The following MCM6 variants were observed in gnomAD, a reference collection of about 807,000 sequenced individuals.
MCM6 encodes the protein minichromosome maintenance complex component 6.
Under a neutral mutation model 94.3 loss-of-function variants are expected in MCM6, and 46 were observed. That is an observed-to-expected ratio of 0.49 (90% confidence interval 0.39 to 0.62). The LOEUF is 0.62. Ranked by LOEUF, MCM6 falls within the 20% of genes least tolerant of loss-of-function variation. The pLI is 0.00. For synonymous variants in MCM6, 335 were observed against 351.9 expected (o/e 0.95, Z 0.54); for missense variants, 865 against 1,017.9 (o/e 0.85, Z 2.04).
At chr2:135,852,614 T>C (rs949918026) in intron 12 of MCM6, among the ~76,000 whole-genome samples, 173 bp downstream of exon 12, 1 of 152,080 alleles carries the variant, frequency 6.6e-6, no homozygotes, top group African/African-American at 2.4e-5. Flanking sequence ...TACAGTTCCC[T>C]TTCTCAGCCC....
At chr2:135,868,304 A>G (rs1391060904) in intron 4 of MCM6, among the ~76,000 whole-genome samples, 2 of 152,186 alleles carry the variant, frequency 1.3e-5, no homozygotes, top group East Asian at 3.8e-4. Context: ...ACAAGTTGCT[A>G]TTTCTTTAAG....
At chr2:135,872,916 T>TTGGTTAAAGTCCAACAACTAGGC (rs1680229222) in intron 1 of MCM6, 73 bp from the exon 2 acceptor site, 1 of 1,552,556 alleles carries the variant, frequency 6.4e-7, no homozygotes, top group Admixed American at 1.8e-5. Context: ...ATTCAGAACA[T>TTGGTTAAAGTCCAACAACTAGGC]TGGTTAAAGT....
chr2:135,853,805 C>T (rs1421155026), intron 11 of MCM6, among the ~76,000 whole-genome samples: 1 of 151,726 alleles, frequency 6.6e-6, no homozygotes, highest in Non-Finnish European at 1.5e-5. Context: ...CAGATATATA[C>T]AGACAGTAAG....
At chr2:135,854,233 A>C (rs1429388638) in intron 11 of MCM6, among the ~76,000 whole-genome samples, 1 of 151,774 alleles carries the variant, frequency 6.6e-6, no homozygotes, top group East Asian at 1.9e-4. Flanking sequence ...TCTCAAAATA[A>C]ATAACTAAAA....
At chr2:135,874,125 ATTAT>A (rs1418747561) in intron 1 of MCM6, among the ~76,000 whole-genome samples, 1 of 152,222 alleles carries the variant, frequency 6.6e-6, no homozygotes, top group Non-Finnish European at 1.5e-5. Flanking sequence ...AAGCACAGAG[ATTAT>A]TTGTCTCATC....
chr2:135,859,301 A>G lies in MCM6; in HGVS notation c.1362T>C (p.Asn454=), dbSNP rs1679945544. Reference sequence around the variant, plus strand: ...ACTGAAGAGTGTAAAATGTTCTTACATTATCAGCCAACATCAAAGCTCCAG... The same window carrying G: ...ACTGAAGAGTGTAAAATGTTCTTACGTTATCAGCCAACATCAAAGCTCCAG... ...IEAGALMLAD[N]GVCCIDEFDK... The change falls in exon 9 of 17, where the codon AAT becomes AAC. Residue 454 remains asparagine (N), a splice_region_variant and synonymous_variant. Transcript: ENST00000264156. 4 of 1,612,322 alleles carry G rather than the reference A, an allele frequency of 2.5e-6. No homozygotes were observed. The highest frequency in any genetic ancestry group is 4.5e-5 in the East Asian group (2 of 44,870).
At chr2:135,852,652 GAAAA>G (rs368127110) in intron 12 of MCM6, 131 bp downstream of exon 12, 4 of 472,516 alleles carry the variant, frequency 8.5e-6, no homozygotes, top group Middle Eastern at 6.4e-4. Flanking sequence ...TGCTGTTCCA[GAAAA>G]AAAAAAAAAG....
At chr2:135,859,177 G>T in intron 9 of MCM6, 124 bp downstream of exon 9, 1 of 742,720 alleles carries the variant, frequency 1.3e-6, no homozygotes, top group Non-Finnish European at 2.1e-6. Flanking sequence ...AAAGGTGTGA[G>T]CCACCGCGCC....
At position 135,866,287 on chromosome 2, in the gene MCM6, A is replaced by G. The variant is rs1161364974; in HGVS notation, c.782-10T>C. 1 of 1,613,074 alleles carries G rather than the reference A, an allele frequency of 6.2e-7. No homozygotes were observed. Among genetic ancestry groups the G allele is most frequent in the Non-Finnish European group, 8.5e-7 (1 of 1,179,540 alleles). ...GTTTCTGCACGTGCTCCTGAAACAG[A>G]ATGATAGGTTGTTTCACAACTTAAA... On this transcript the variant is annotated splice_polypyrimidine_tract_variant and intron_variant, in intron 5 of 16. Transcript: ENST00000264156.
In MCM6 at chr2:135,865,035, G is replaced by A. The variant is rs1317612607; in HGVS notation, c.1056C>T (p.Thr352=). The A allele has an allele frequency of 7.3e-6, 11 of 1,512,550 alleles. No individual in the cohort carries two copies. The South Asian group carries it at 1.4e-4, about 19-fold the overall frequency. 93.7% of individuals were successfully genotyped at this position (1,512,550 alleles called of 1,614,324 possible). A position where few individuals can be genotyped will look rare whatever the true frequency, so the allele number is the denominator to read the frequency against. Residue 352 remains threonine, a synonymous_variant, in exon 7 of 17, where the codon ACC becomes ACT. Coordinates refer to ENST00000264156, the MANE Select transcript of MCM6 (RefSeq NM_005915.6). ...QDKNLYHNLC[T]SLFPTIHGND... ...TACCATGTATAGTAGGGAACAGGCT[G>A]GTACAAAGATTGTGGTATAGATTTT...
At chr2:135,863,932 G>C (rs980566635) in intron 7 of MCM6, among the ~76,000 whole-genome samples, 7 of 152,052 alleles carry the variant, frequency 4.6e-5, no homozygotes, top group African/African-American at 1.7e-4. Flanking sequence ...CCAACATGGC[G>C]AAACACCATC....
At chr2:135,875,546 G>A (rs1680278706) in intron 1 of MCM6, among the ~76,000 whole-genome samples, 1 of 152,114 alleles carries the variant, frequency 6.6e-6, no homozygotes, top group African/African-American at 2.4e-5. Flanking sequence ...TGGAGGCCGT[G>A]GTGTATCTGC....
intron 4 of MCM6, among the ~76,000 whole-genome samples, chr2:135,866,950 A>AT (rs1680104151): frequency 6.6e-6 from 1 of 151,982 alleles, no homozygotes; most frequent in East Asian, 1.9e-4. Context: ...TAAAAACTCC[A>AT]TGATGATTCA....
Position 135,872,689 on chromosome 2 carries a change from G to A in MCM6, c.254+8C>T, listed in dbSNP as rs1680223662. The stretch of plus-strand genomic sequence containing the variant: ...TATTCAAAGTAAAGAAGATTAATAT[G>A]CCCATACCTATAGAACTCCTCTTGA... On this transcript the variant is annotated splice_region_variant and intron_variant, in intron 2 of 16. Transcript: ENST00000264156. 2.5e-6 allele frequency: 4 copies of A among 1,613,540 alleles called. No homozygotes were observed. Among genetic ancestry groups the A allele is most frequent in the African/African-American group, 2.7e-5 (2 of 74,858 alleles).
At chr2:135,872,431 C>G (rs1167833365) in intron 2 of MCM6, among the ~76,000 whole-genome samples, 2 of 151,858 alleles carry the variant, frequency 1.3e-5, no homozygotes, top group African/African-American at 2.4e-5. Context: ...CTAGGTGTGA[C>G]AGAGCAAGAC....
chr2:135,841,879 TG>T (rs1679579122), intron 16 of MCM6, among the ~76,000 whole-genome samples: 1 of 151,972 alleles, frequency 6.6e-6, no homozygotes, highest in African/African-American at 2.4e-5. Flanking sequence ...CTGAGGTGGG[TG>T]GATCACCTGA....
chr2:135,848,264 G>A (rs1679707873), intron 13 of MCM6, 76 bp from the exon 14 acceptor site: 2 of 1,111,194 alleles, frequency 1.8e-6, no homozygotes, highest in Non-Finnish European at 2.6e-6. Context: ...TGAAATCACA[G>A]TAGTATGTAT....
rs200393473 is a variant in MCM6 at position 135,876,331 on chromosome 2, C to T, written c.35G>A (p.Gly12Asp). 38 of 1,609,270 alleles carry T rather than the reference C, an allele frequency of 2.4e-5. No individual in the cohort carries two copies. The highest frequency in any genetic ancestry group is 3.2e-5 in the Non-Finnish European group (38 of 1,179,224). Residue 12 changes from glycine (G) to aspartate (D), a missense_variant, in exon 1 of 17, where the codon GGC becomes GAC. Gly to Asp is a moderately conservative substitution (Grantham distance 94). This residue lies in a region of MCM6 where 404 missense variants were observed against 451.9 expected (regional missense o/e 0.89). Transcript: ENST00000264156. The part of the protein sequence containing the change: ...DLAAAAEPGA[G>D]SQHLEVRDEV... ...GTCGCGGACCTCCAGGTGCTGGCTG[C>T]CGGCGCCCGGCTCCGCTGCCGCCGC...
chr2:135,868,247 C>A (rs762753706), intron 4 of MCM6, among the ~76,000 whole-genome samples: 9 of 152,148 alleles, frequency 5.9e-5, no homozygotes, highest in Non-Finnish European at 1.3e-4. Context: ...GCTAGCCTGT[C>A]CTATTCATGC....
Sources: allele counts gnomAD v4.1 joint callset (sites outside exome capture counted in the v4.1 genomes callset), GRCh38; gene constraint gnomAD v4.1.1; regional missense constraint gnomAD v4.1.1; transcripts MANE v1.5; gene names NCBI Gene and HGNC (gene_info 2026-07-23, HGNC 2026-07-21).